RBFOX1: variants seen among roughly 807,000 people sequenced by gnomAD.
RBFOX1 encodes the protein RNA binding protein fox-1 homolog 1.
Under a neutral mutation model 57.7 loss-of-function variants are expected in RBFOX1, and 8 were observed. That is an observed-to-expected ratio of 0.14 (90% confidence interval 0.08 to 0.25). The LOEUF (loss-of-function observed/expected upper bound fraction) is 0.25. Among genes scored for constraint, RBFOX1 ranks in the 10% least tolerant of loss-of-function variants. RBFOX1 has a pLI of 1.00. For synonymous variants in RBFOX1, 326 were observed against 222.4 expected, an observed-to-expected ratio of 1.47 and a Z score of -4.15; for missense variants, 611 against 548.5, an observed-to-expected ratio of 1.11 and a Z score of -1.14.
At chr16:6,597,076 C>A (rs989181856) in intron 2 of RBFOX1, among the ~76,000 whole-genome samples, 1 of 152,112 alleles carries the variant, frequency 6.6e-6, no homozygotes, top group Non-Finnish European at 1.5e-5. Flanking sequence ...GTCACCCTGA[C>A]TGCAGCTAGA....
chr16:5,894,787 C>T (rs527445271), intron 4 of RBFOX1, among the ~76,000 whole-genome samples: 5 of 152,114 alleles, frequency 3.3e-5, no homozygotes, highest in African/African-American at 9.6e-5. Flanking sequence ...TTTGGGAGGC[C>T]GAGGCAGGCG....
At chr16:6,364,743 C>T (rs1344505659) in intron 2 of RBFOX1, among the ~76,000 whole-genome samples, 4 of 152,192 alleles carry the variant, frequency 2.6e-5, no homozygotes, top group African/African-American at 9.7e-5. Flanking sequence ...TTAAACCCCA[C>T]AAATATCAGA....
chr16:6,804,680 A>G (rs2086301363), intron 3 of RBFOX1, among the ~76,000 whole-genome samples: 1 of 152,206 alleles, frequency 6.6e-6, no homozygotes, highest in African/African-American at 2.4e-5. Flanking sequence ...CTTTCTAAAG[A>G]ATAAGAGTGC....
chr16:6,796,719 C>A (rs541369191), intron 3 of RBFOX1, among the ~76,000 whole-genome samples: 1 of 152,266 alleles, frequency 6.6e-6, no homozygotes, highest in South Asian at 2.1e-4. Context: ...AACTTTCTCT[C>A]CTGGGTACAC....
chr16:5,817,872 A>G (rs1247845731), intron 3 of RBFOX1, among the ~76,000 whole-genome samples: 2 of 151,914 alleles, frequency 1.3e-5, no homozygotes, highest in African/African-American at 2.4e-5. Context: ...TTGTATTTTT[A>G]GTAGAGTTGG....
chr16:7,214,491 C>G (rs1214804701), intron 4 of RBFOX1, among the ~76,000 whole-genome samples: 2 of 151,982 alleles, frequency 1.3e-5, no homozygotes, highest in Non-Finnish European at 2.9e-5. Context: ...GCCTCCATCT[C>G]CATCATCTCT....
At chr16:6,656,742 A>G in intron 3 of RBFOX1, among the ~76,000 whole-genome samples, 1 of 152,148 alleles carries the variant, frequency 6.6e-6, no homozygotes, top group East Asian at 1.9e-4. Flanking sequence ...ACTGATAGAT[A>G]AATTTCTAAA....
At chr16:6,808,457 C>T (rs112366632) in intron 3 of RBFOX1, among the ~76,000 whole-genome samples, 20 of 152,180 alleles carry the variant, frequency 1.3e-4, no homozygotes, top group African/African-American at 4.8e-4. Flanking sequence ...AAGGATCTCA[C>T]CCCTTGCTTC....
At chr16:5,812,692 C>G (rs112040764) in intron 3 of RBFOX1, among the ~76,000 whole-genome samples, 2 of 152,188 alleles carry the variant, frequency 1.3e-5, no homozygotes, top group African/African-American at 4.8e-5. Context: ...AAACTCCTGG[C>G]CTCAAGCAGT....
At chr16:6,917,940 C>A (rs1441558144) in intron 3 of RBFOX1, among the ~76,000 whole-genome samples, 1 of 152,132 alleles carries the variant, frequency 6.6e-6, no homozygotes, top group East Asian at 1.9e-4. Context: ...TGTTCTTACT[C>A]AACCTAAGTC....
intron 1 of RBFOX1, among the ~76,000 whole-genome samples, chr16:5,412,372 G>T (rs545555364): frequency 5.9e-5 from 9 of 152,332 alleles, no homozygotes; most frequent in African/African-American, 2.2e-4. Context: ...ATTAGTTATT[G>T]TTATCACTAA....
At chr16:7,692,266 T>C (rs1321501560) in intron 14 of RBFOX1, among the ~76,000 whole-genome samples, 1 of 152,200 alleles carries the variant, frequency 6.6e-6, no homozygotes, top group African/African-American at 2.4e-5. Flanking sequence ...TTTATTGGTG[T>C]AGAAATGACT....
Position 6,996,294 on chromosome 16 carries a change from A to C in RBFOX1, c.-15-55763A>C, listed in dbSNP as rs374558477. ...TATTGAGTATCTCTACTTTAGAATA[A>C]CACTGAACTAGTACTGGGATTTTTA... On this transcript the variant is annotated intron_variant, in intron 3 of 15. Coordinates refer to ENST00000550418, the MANE Select transcript of RBFOX1 (RefSeq NM_018723.4). Among the ~76,000 whole-genome samples the C allele has an allele frequency of 2.6e-5, 4 of 152,320 alleles. No individual in the cohort carries two copies. In the South Asian group the frequency reaches 6.2e-4, roughly 24 times the overall value.
intron 2 of RBFOX1, among the ~76,000 whole-genome samples, chr16:5,522,615 G>A (rs2044065248): frequency 6.6e-6 from 1 of 152,094 alleles, no homozygotes; most frequent in African/African-American, 2.4e-5. Flanking sequence ...ACTCTACTCT[G>A]CCATGGAAGA....
At chr16:7,508,048 G>A (rs1214774611) in intron 4 of RBFOX1, among the ~76,000 whole-genome samples, 2 of 151,726 alleles carry the variant, frequency 1.3e-5, no homozygotes, top group Non-Finnish European at 2.9e-5. Context: ...GTGCAGTGAT[G>A]CAATCTTGGA....
intron 4 of RBFOX1, among the ~76,000 whole-genome samples, chr16:5,908,957 C>G (rs970218124): frequency 6.6e-6 from 1 of 152,096 alleles, no homozygotes; most frequent in African/African-American, 2.4e-5. Flanking sequence ...TGAGCCCTCA[C>G]CAAACACCAA....
At chr16:6,559,589 C>T (rs539756695) in intron 2 of RBFOX1, among the ~76,000 whole-genome samples, 6 of 151,022 alleles carry the variant, frequency 4.0e-5, no homozygotes, top group Middle Eastern at 3.4e-3. Flanking sequence ...GAAAATAGGA[C>T]GTGTGGGTGT....
intron 2 of RBFOX1, among the ~76,000 whole-genome samples, chr16:5,530,653 T>C (rs1481031634): frequency 6.6e-6 from 1 of 152,138 alleles, no homozygotes; most frequent in Non-Finnish European, 1.5e-5. Flanking sequence ...CCTCTACCCA[T>C]GAGAGACCAG....
intron 4 of RBFOX1, among the ~76,000 whole-genome samples, chr16:7,146,353 C>G (rs2074976007): frequency 6.6e-6 from 1 of 152,154 alleles, no homozygotes; most frequent in South Asian, 2.1e-4. Context: ...ATGGTCTTTC[C>G]TATGCAAGGG....
Sources: allele counts gnomAD v4.1 joint callset (sites outside exome capture counted in the v4.1 genomes callset), GRCh38; gene constraint gnomAD v4.1.1; transcripts MANE v1.5; gene names NCBI Gene and HGNC (gene_info 2026-07-23, HGNC 2026-07-21).